Variants in DMD observed in about 807,000 individuals in gnomAD.
The protein encoded by DMD is mutant dystrophin.
Under a neutral mutation model 330.1 loss-of-function variants are expected in DMD, and 63 were observed. The observed-to-expected ratio is 0.19, with a 90% CI of 0.16 to 0.24. DMD has a LOEUF of 0.24. Ranked by LOEUF, DMD falls within the 10% of genes least tolerant of loss-of-function variation. The probability of loss-of-function intolerance (pLI) is 1.00; values close to 1 mark genes in which losing one functional copy is unlikely to be tolerated. For missense variants in DMD, 3,344 were observed against 2,684.1 expected, an observed-to-expected ratio of 1.25 and a Z score of -5.43; for synonymous variants, 1,223 against 959.8, an observed-to-expected ratio of 1.27 and a Z score of -5.07.
intron 44 of DMD, among the ~76,000 whole-genome samples, chrX:32,107,992 C>T (rs1437131849): frequency 9.0e-6 from 1 of 111,073 alleles, no homozygotes; most frequent in African/African-American, 3.3e-5. Flanking sequence ...CCACATGATA[C>T]TCAATGCTCA....
chrX:31,464,458 G>C, intron 59 of DMD, among the ~76,000 whole-genome samples: 1 of 112,273 alleles, frequency 8.9e-6, no homozygotes, highest in East Asian at 2.8e-4. Context: ...TCTCATCTAT[G>C]AAAGTAAAAG....
chrX:32,297,271 ATTAT>A (rs1034057722), intron 42 of DMD, among the ~76,000 whole-genome samples: 4 of 89,816 alleles, frequency 4.5e-5, no homozygotes, highest in Non-Finnish European at 6.3e-5. Flanking sequence ...TTATTTATTT[ATTAT>A]TTATTTATTT....
chrX:32,801,842 G>A (rs891525342), intron 7 of DMD, among the ~76,000 whole-genome samples: 1 of 110,955 alleles, frequency 9.0e-6, no homozygotes, highest in African/African-American at 3.3e-5. Flanking sequence ...TATTTCTGAG[G>A]CCTCTGTTCT....
chrX:33,338,324 C>T (rs900605281), intron 1 of DMD, among the ~76,000 whole-genome samples: 4 of 110,624 alleles, frequency 3.6e-5, no homozygotes, highest in African/African-American at 6.6e-5. Context: ...TGTCCATGCT[C>T]ATGCTCCATT....
intron 55 of DMD, among the ~76,000 whole-genome samples, chrX:31,513,356 G>C: frequency 9.3e-6 from 1 of 107,847 alleles, no homozygotes; most frequent in Non-Finnish European, 1.9e-5. Context: ...GCCCTGGCCA[G>C]AACTTCCAAC....
At chrX:32,891,219 A>T (rs370374557) in intron 2 of DMD, among the ~76,000 whole-genome samples, 40 of 111,953 alleles carry the variant, frequency 3.6e-4, no homozygotes, top group African/African-American at 1.0e-3. Context: ...GAGTTTTGCG[A>T]ACATTTATTC....
chrX:32,804,085 G>T (rs1281832502), intron 7 of DMD, among the ~76,000 whole-genome samples: 1 of 111,217 alleles, frequency 9.0e-6, no homozygotes, highest in Non-Finnish European at 1.9e-5. Context: ...TATTGTGTGG[G>T]AGTCTAATAC....
At chrX:31,651,105 A>G (rs960014114) in intron 54 of DMD, among the ~76,000 whole-genome samples, 4 of 112,329 alleles carry the variant, frequency 3.6e-5, no homozygotes, top group Non-Finnish European at 7.5e-5. Context: ...GGAAAGAGAG[A>G]TCAAGAGAAA....
chrX:32,724,582 G>T (rs1161781353), intron 7 of DMD, among the ~76,000 whole-genome samples: 2 of 111,463 alleles, frequency 1.8e-5, no homozygotes, highest in African/African-American at 6.5e-5. Flanking sequence ...GTATATCACA[G>T]CCCATAAAAT....
In DMD at chrX:32,787,256, G is replaced by C. The variant is rs1423356247; in HGVS notation, c.649+22237C>G. 5.6e-5 allele frequency among the ~76,000 whole-genome samples: 6 copies of C among 107,382 alleles called. No homozygotes were observed. The Admixed American group carries it at 6.1e-4, about 11-fold the overall frequency. 93.2% of individuals were successfully genotyped at this position (107,382 alleles called of 115,157 possible). ...TGTGTGTGTGTGTGTGTGAGAGAGA[G>C]AGAGAGAGAGAGAGAGAAAGAGAGA... On this transcript the variant is annotated intron_variant, in intron 7 of 78. Transcript: ENST00000357033.
intron 2 of DMD, among the ~76,000 whole-genome samples, chrX:32,862,485 A>G (rs2082141423): frequency 8.9e-6 from 1 of 111,912 alleles, no homozygotes; most frequent in South Asian, 3.7e-4. Flanking sequence ...TCTATCCTTA[A>G]CATGTTTTGT....
At chrX:31,476,432 C>T (rs1177684249) in intron 59 of DMD, among the ~76,000 whole-genome samples, 1 of 101,749 alleles carries the variant, frequency 9.8e-6, no homozygotes. Context: ...CACACACACA[C>T]ACACATACTT....
At chrX:31,191,123 T>C in intron 67 of DMD, among the ~76,000 whole-genome samples, 1 of 111,756 alleles carries the variant, frequency 8.9e-6, no homozygotes, top group East Asian at 2.8e-4. Flanking sequence ...GTTGCAGAAA[T>C]TTATTTATTT....
intron 55 of DMD, among the ~76,000 whole-genome samples, chrX:31,611,204 C>T (rs1014268649): frequency 5.0e-4 from 55 of 109,661 alleles, no homozygotes; most frequent in African/African-American, 1.8e-3. Flanking sequence ...GCAGATTCCA[C>T]GACCCATCCC....
chrX:32,661,363 G>C (rs1321155163), intron 9 of DMD, among the ~76,000 whole-genome samples: 1 of 108,601 alleles, frequency 9.2e-6, no homozygotes, highest in East Asian at 2.8e-4. Context: ...CACAACATAA[G>C]GGATGATTAT....
chrX:32,288,662 C>A (rs754739731), intron 42 of DMD, among the ~76,000 whole-genome samples: 14 of 111,997 alleles, frequency 1.3e-4, no homozygotes, highest in African/African-American at 4.5e-4. Flanking sequence ...CAATCACAGC[C>A]AATTTCAAAA....
At chrX:32,086,744 G>T (rs989858545) in intron 44 of DMD, among the ~76,000 whole-genome samples, 1 of 111,086 alleles carries the variant, frequency 9.0e-6, no homozygotes, top group Admixed American at 9.7e-5. Flanking sequence ...TCTAATTAAG[G>T]TTTTTTCCTG....
At chrX:31,603,709 T>C (rs1463387771) in intron 55 of DMD, among the ~76,000 whole-genome samples, 1 of 112,196 alleles carries the variant, frequency 8.9e-6, no homozygotes, top group Non-Finnish European at 1.9e-5. Flanking sequence ...AGTCCTTTTG[T>C]ACAGAAAGGA....
chrX:32,761,316 G>A (rs1201167643), intron 7 of DMD, among the ~76,000 whole-genome samples: 4 of 109,286 alleles, frequency 3.7e-5, no homozygotes, highest in Admixed American at 2.1e-4. Flanking sequence ...GCTCTTCACA[G>A]GAGACTGAAG....
Sources: allele counts gnomAD v4.1 joint callset (sites outside exome capture counted in the v4.1 genomes callset), GRCh38; gene constraint gnomAD v4.1.1; transcripts MANE v1.5; gene names NCBI Gene and HGNC (gene_info 2026-07-23, HGNC 2026-07-21).